CAPN5: variants seen among roughly 807,000 people sequenced by gnomAD.
CAPN5 encodes calpain 5, also known as calpain-5.
In CAPN5, 54 loss-of-function variants were observed where a neutral mutation model predicts 73.0. The observed-to-expected ratio is 0.74, with a 90% confidence interval of 0.59 to 0.93. The LOEUF is 0.93. Among genes scored for constraint, CAPN5 ranks in the 40% least tolerant of loss-of-function variants. The pLI is 0.00. For synonymous variants in CAPN5, 335 were observed against 356.9 expected, an observed-to-expected ratio of 0.94 and a Z score of 0.69; for missense variants, 785 against 882.9, an observed-to-expected ratio of 0.89 and a Z score of 1.41.
In CAPN5 at chr11:77,119,686, A is replaced by C. The variant is rs148057709; in HGVS notation, c.1290+534A>C. 920 of 157,874 alleles carry C rather than the reference A, an allele frequency of 5.8e-3. 8 individuals carry two copies. Among genetic ancestry groups the C allele is most frequent in the Non-Finnish European group, 8.8e-3 (625 of 70,988 alleles). The allele number at this position is 157,874 out of a possible 1,614,324, so 9.8% of individuals were successfully genotyped here. ...GTGACAGTCAGCATGGCGGGACCCC[A>C]TGTGCCTGTCAGACCTTGAGAACGG... On this transcript the variant is annotated intron_variant, in intron 9 of 12. Transcript: ENST00000648180.
intron 1 of CAPN5, among the ~76,000 whole-genome samples, chr11:77,077,968 T>C (rs1242249302): frequency 6.6e-6 from 1 of 152,248 alleles, no homozygotes; most frequent in Non-Finnish European, 1.5e-5. Flanking sequence ...GGATATTGAC[T>C]CTTGTCAGAT....
chr11:77,084,979 C>CT lies in CAPN5; in HGVS notation c.95dup (p.Ala34ArgfsTer3). The CT allele has an allele frequency of 6.2e-7, 1 of 1,613,632 alleles. No homozygotes were observed. Among genetic ancestry groups the CT allele is most frequent in the Non-Finnish European group, 8.5e-7 (1 of 1,180,014 alleles). Reference sequence around the variant, plus strand: ...GGAAGGTGCTCTTCGAGGACCCCCTCTTCCCCGCCACTGACGACTCACTCT... The same window carrying CT: ...GGAAGGTGCTCTTCGAGGACCCCCTCTTTCCCCGCCACTGACGACTCACTCT... On this transcript the variant is annotated frameshift_variant, in exon 2 of 13. Coordinates refer to ENST00000648180, the MANE Select transcript of CAPN5 (RefSeq NM_004055.5). LOFTEE classifies it high-confidence loss of function.
In CAPN5 at chr11:77,125,643, T is replaced by TATATA. The variant is rs1950568519; in HGVS notation, c.*1773_*1774insATATA. On this transcript the variant is annotated 3_prime_UTR_variant, in exon 13 of 13. Transcript: ENST00000648180. ...ATATATATATATATATATATATACATTCATGTAATCACCACTTCTCGATGT... is the reference window on the plus strand; with the variant it reads ...ATATATATATATATATATATATACATATATATCATGTAATCACCACTTCTCGATGT... The TATATA allele has an allele frequency of 6.8e-6, 1 of 148,102 alleles. No individual in the cohort carries two copies. Among genetic ancestry groups the TATATA allele is most frequent in the African/African-American group, 2.5e-5 (1 of 39,706 alleles). 9.2% of individuals were successfully genotyped at this position (148,102 alleles called of 1,614,324 possible).
At chr11:77,069,609 C>T (rs1450817463) in intron 1 of CAPN5, among the ~76,000 whole-genome samples, 2 of 152,102 alleles carry the variant, frequency 1.3e-5, no homozygotes, top group Non-Finnish European at 2.9e-5. Flanking sequence ...GGGCCCTGGG[C>T]TCCCCCAGCT....
chr11:77,071,659 C>T (rs781824066), intron 1 of CAPN5: 6 of 453,860 alleles, frequency 1.3e-5, no homozygotes, highest in Non-Finnish European at 2.2e-5. Flanking sequence ...CCTCGCTGGC[C>T]TCAGTCTCCC....
At chr11:77,074,254 G>A (rs370058140) in intron 1 of CAPN5, among the ~76,000 whole-genome samples, 47 of 152,274 alleles carry the variant, frequency 3.1e-4, no homozygotes, top group African/African-American at 1.1e-3. Flanking sequence ...CACTGCATCA[G>A]CATCTGACCT....
At chr11:77,113,585 GA>G (rs1950433922) in intron 4 of CAPN5, among the ~76,000 whole-genome samples, 1 of 152,068 alleles carries the variant, frequency 6.6e-6, no homozygotes, top group African/African-American at 2.4e-5. Context: ...GAGAGAGATA[GA>G]AAACAAGAGA....
chr11:77,110,235 G>T lies in CAPN5; in HGVS notation c.298-2354G>T, dbSNP rs552587964. 6.6e-5 allele frequency among the ~76,000 whole-genome samples: 10 copies of T among 151,878 alleles called. No homozygotes were observed. In the South Asian group the frequency reaches 2.1e-3, roughly 32 times the overall value. On this transcript the variant is annotated intron_variant, in intron 3 of 12. Coordinates refer to ENST00000648180, the MANE Select transcript of CAPN5 (RefSeq NM_004055.5). ...CCTGAATGGCTAGGATTACAGGCAC[G>T]CACCACCACGCCCAGCTAATTTTTG... is the stretch of plus-strand genomic sequence containing the variant.
intron 1 of CAPN5, among the ~76,000 whole-genome samples, chr11:77,073,728 G>A (rs1555033520): frequency 1.3e-5 from 2 of 152,238 alleles, no homozygotes; most frequent in Non-Finnish European, 2.9e-5. Flanking sequence ...GTGGAGAATG[G>A]ATTGGACACA....
intron 2 of CAPN5, among the ~76,000 whole-genome samples, chr11:77,089,525 A>T (rs1183006449): frequency 6.6e-6 from 1 of 152,166 alleles, no homozygotes; most frequent in Admixed American, 6.5e-5. Flanking sequence ...GCCTGGCCCC[A>T]TGGTGGCAGA....
intron 3 of CAPN5, 112 bp downstream of exon 3, chr11:77,093,925 G>A: frequency 6.8e-7 from 1 of 1,462,722 alleles, no homozygotes; most frequent in Non-Finnish European, 9.2e-7. Flanking sequence ...TCAAAAGCCT[G>A]TGCCAGGGAT....
chr11:77,116,603 G>A (rs1950471118), intron 7 of CAPN5, among the ~76,000 whole-genome samples: 1 of 152,160 alleles, frequency 6.6e-6, no homozygotes, highest in Non-Finnish European at 1.5e-5. Flanking sequence ...CTAAGAGGTG[G>A]GCCCACCAGG....
At chr11:77,078,113 T>G (rs1423865053) in intron 1 of CAPN5, among the ~76,000 whole-genome samples, 1 of 152,262 alleles carries the variant, frequency 6.6e-6, no homozygotes, top group South Asian at 2.1e-4. Flanking sequence ...TCTGTGCTTT[T>G]GGGGTCATAT....
intron 1 of CAPN5, among the ~76,000 whole-genome samples, chr11:77,083,887 G>C (rs1196979828): frequency 6.6e-6 from 1 of 152,220 alleles, no homozygotes; most frequent in Non-Finnish European, 1.5e-5. Context: ...CAGCCAGCCT[G>C]CCTTGCCTTG....
intron 3 of CAPN5, chr11:77,103,426 C>T: frequency 7.0e-7 from 1 of 1,432,912 alleles, no homozygotes. Flanking sequence ...ATTATTCTCG[C>T]TGCTCAGCCT....
chr11:77,115,331 C>T (rs373318082), intron 5 of CAPN5, 64 bp from the exon 6 acceptor site: 1 of 1,404,284 alleles, frequency 7.1e-7, no homozygotes, highest in African/African-American at 1.4e-5. Context: ...CCCTCCAGCA[C>T]CTGAGTCCCT....
chr11:77,096,016 G>A (rs1555037424), intron 3 of CAPN5, among the ~76,000 whole-genome samples: 1 of 152,174 alleles, frequency 6.6e-6, no homozygotes, highest in African/African-American at 2.4e-5. Context: ...GGAGGCTCGG[G>A]GCCCTGCGGA....
chr11:77,096,472 C>A lies in CAPN5; in HGVS notation c.297+2659C>A, dbSNP rs375736707. Among the ~76,000 whole-genome samples the A allele has an allele frequency of 4.3e-3, 658 of 152,314 alleles. 7 individuals carry two copies. The highest frequency in any genetic ancestry group is 0.015 in the African/African-American group (632 of 41,558). ...CTTGTTACTTTCCCTCCCCAGCCCC[C>A]TCTTAGATGGCCCACCTGTTTCTCT... is the stretch of plus-strand genomic sequence containing the variant. On this transcript the variant is annotated intron_variant, in intron 3 of 12. Transcript: ENST00000648180.
At chr11:77,119,899 T>C (rs573493062) in intron 9 of CAPN5, 2 of 152,446 alleles carry the variant, frequency 1.3e-5, no homozygotes, top group South Asian at 4.1e-4. Context: ...GAACACTTTT[T>C]TCAGGATTGT....
Sources: allele counts gnomAD v4.1 joint callset (sites outside exome capture counted in the v4.1 genomes callset), GRCh38; gene constraint gnomAD v4.1.1; transcripts MANE v1.5; gene names NCBI Gene and HGNC (gene_info 2026-07-23, HGNC 2026-07-21).